SYCP1: variants seen among roughly 807,000 people sequenced by gnomAD.
SYCP1 encodes the protein cancer/testis antigen 8.
SYCP1 carries 64 observed loss-of-function variants against 153.1 expected under a neutral mutation model. The observed-to-expected ratio is 0.42, with a 90% CI of 0.34 to 0.51. The LOEUF is 0.51. Ranked by LOEUF, SYCP1 falls within the 20% of genes least tolerant of loss-of-function variation. The pLI is 0.06. For missense variants in SYCP1, 997 were observed against 1,049.0 expected, an observed-to-expected ratio of 0.95 and a Z score of 0.68; for synonymous variants, 384 against 341.8, an observed-to-expected ratio of 1.12 and a Z score of -1.36.
Position 114,995,036 on chromosome 1 carries a change from T to C in SYCP1, c.*17T>C, listed in dbSNP as rs761351005. On this transcript the variant is annotated 3_prime_UTR_variant, in exon 32 of 32. Coordinates refer to ENST00000369522, the MANE Select transcript of SYCP1 (RefSeq NM_003176.4). ...TTTGTTTAATTTCAGAGAATCAGTG[T>C]AGTTAAGGAGCCTAATAACGTGAAA... 2.5e-6 allele frequency: 4 copies of C among 1,582,586 alleles called. No individual in the cohort carries two copies. The highest frequency in any genetic ancestry group is 3.4e-6 in the Non-Finnish European group (4 of 1,168,348).
At chr1:114,914,111 T>G in intron 20 of SYCP1, 66 bp downstream of exon 20, 1 of 1,257,944 alleles carries the variant, frequency 7.9e-7, no homozygotes. Flanking sequence ...TCTATTAACT[T>G]GTTATCATTA....
At chr1:114,888,266 G>A (rs1182172784) in intron 15 of SYCP1, among the ~76,000 whole-genome samples, 1 of 151,678 alleles carries the variant, frequency 6.6e-6, no homozygotes, top group Admixed American at 6.6e-5. Context: ...GTGGAAAATT[G>A]CAAAGAATAA....
At chr1:114,856,679 G>A in intron 3 of SYCP1, 22 bp downstream of exon 3, 1 of 1,558,912 alleles carries the variant, frequency 6.4e-7, no homozygotes, top group Non-Finnish European at 8.8e-7. Context: ...GAAAAGCAGT[G>A]TATCAGCTTA....
chr1:114,888,564 T>C (rs911727110), intron 15 of SYCP1, among the ~76,000 whole-genome samples: 10 of 152,068 alleles, frequency 6.6e-5, no homozygotes, highest in Non-Finnish European at 1.5e-4. Context: ...TCATGTAAAA[T>C]TGTACTATCA....
chr1:114,943,924 A>G (rs1487754312), intron 23 of SYCP1, among the ~76,000 whole-genome samples: 3 of 151,566 alleles, frequency 2.0e-5, no homozygotes, highest in Non-Finnish European at 4.4e-5. Flanking sequence ...TATACAAAGT[A>G]TGTGAAAATA....
chr1:114,971,695 A>G (rs2101915770), intron 27 of SYCP1, among the ~76,000 whole-genome samples: 1 of 152,276 alleles, frequency 6.6e-6, no homozygotes, highest in African/African-American at 2.4e-5. Flanking sequence ...TGAAATGATC[A>G]TATGGTTTGA....
chr1:114,990,952 A>G (rs934840722), intron 30 of SYCP1, among the ~76,000 whole-genome samples: 2 of 151,924 alleles, frequency 1.3e-5, no homozygotes, highest in African/African-American at 4.8e-5. Context: ...GAAAGGCATG[A>G]AAGTGCCATG....
intron 29 of SYCP1, among the ~76,000 whole-genome samples, chr1:114,982,918 A>G (rs1318192114): frequency 6.6e-6 from 1 of 151,980 alleles, no homozygotes; most frequent in East Asian, 1.9e-4. Flanking sequence ...ACTTTTCTAG[A>G]CTAATTCTGT....
chr1:114,913,154 A>C lies in SYCP1; in HGVS notation c.1647+4A>C, dbSNP rs1458876652. The C allele has an allele frequency of 6.2e-7, 1 of 1,605,250 alleles. No individual in the cohort carries two copies. The highest frequency in any genetic ancestry group is 1.3e-5 in the African/African-American group (1 of 74,726). ...GAATCAGCAAGAAGATATTAATGTGAGTTGAAAAAGAAAGTGCTGGTGACT... is the reference window on the plus strand; with the variant it reads ...GAATCAGCAAGAAGATATTAATGTGCGTTGAAAAAGAAAGTGCTGGTGACT... On this transcript the variant is annotated splice_donor_region_variant and intron_variant, in intron 19 of 31. Coordinates refer to ENST00000369522, the MANE Select transcript of SYCP1 (RefSeq NM_003176.4).
At chr1:114,906,203 G>T (rs944848306) in intron 16 of SYCP1, among the ~76,000 whole-genome samples, 2 of 152,066 alleles carry the variant, frequency 1.3e-5, no homozygotes, top group African/African-American at 4.8e-5. Flanking sequence ...CTGACCTCAA[G>T]TGATGCACCC....
intron 30 of SYCP1, among the ~76,000 whole-genome samples, chr1:114,989,676 T>C (rs1673785562): frequency 6.6e-6 from 1 of 151,990 alleles, no homozygotes; most frequent in Non-Finnish European, 1.5e-5. Flanking sequence ...AAAGATATTC[T>C]GTGCATATAG....
chr1:114,904,129 T>C, intron 16 of SYCP1, among the ~76,000 whole-genome samples: 1 of 151,614 alleles, frequency 6.6e-6, no homozygotes, highest in African/African-American at 2.4e-5. Context: ...TCTTTTTTTT[T>C]TTTTTGAGAC....
intron 15 of SYCP1, among the ~76,000 whole-genome samples, chr1:114,893,948 T>C (rs1018044085): frequency 3.3e-5 from 5 of 151,926 alleles, no homozygotes; most frequent in African/African-American, 1.2e-4. Flanking sequence ...ATAGCCTTCA[T>C]TGAATTAGTG....
intron 30 of SYCP1, among the ~76,000 whole-genome samples, chr1:114,988,054 T>C (rs1673643368): frequency 7.1e-6 from 1 of 140,906 alleles, no homozygotes; most frequent in African/African-American, 2.6e-5. Context: ...AGATAGACAA[T>C]TGAAGTTACT....
At position 114,876,830 on chromosome 1, in the gene SYCP1, C is replaced by T. The variant is rs1301629848; in HGVS notation, c.801+20C>T. On this transcript the variant is annotated intron_variant, in intron 11 of 31. Transcript: ENST00000369522. ...AAGCAGGTTTTTTAAAAAACCAACT[C>T]TTTGTATTCTTTATATTTGCTAATT... The T allele has an allele frequency of 3.9e-6, 5 of 1,291,034 alleles. No homozygotes were observed. The South Asian group carries it at 8.3e-5, about 22-fold the overall frequency. 80.0% of individuals were successfully genotyped at this position (1,291,034 alleles called of 1,614,324 possible). A position where few individuals can be genotyped will look rare whatever the true frequency, so the allele number is the denominator to read the frequency against.
intron 27 of SYCP1, among the ~76,000 whole-genome samples, chr1:114,962,328 AT>A (rs1448007104): frequency 6.6e-6 from 1 of 152,042 alleles, no homozygotes; most frequent in East Asian, 1.9e-4. Flanking sequence ...TGTTTTATAC[AT>A]TTGGGAGAAC....
intron 11 of SYCP1, 132 bp from the exon 12 acceptor site, chr1:114,877,962 C>A: frequency 1.8e-6 from 1 of 541,876 alleles, no homozygotes. Flanking sequence ...GGAGTAGAGA[C>A]CAGGGTGGGA....
Position 114,923,458 on chromosome 1 carries a change from A to T in SYCP1, c.1728A>T (p.Leu576=). The change falls in exon 21 of 32, where the codon CTA becomes CTT. Residue 576 remains leucine (L), a synonymous_variant. Transcript: ENST00000369522. ...TTCCATTTTCTTTTAGAAATGAACT[A>T]GAATATGTGAGAGAAGAGCTAAAAC... ...QETETQLRNE[L]EYVREELKQK... is the part of the protein sequence containing the mutation. 4 of 1,583,372 alleles carry T rather than the reference A, an allele frequency of 2.5e-6. No individual in the cohort carries two copies. Among genetic ancestry groups the T allele is most frequent in the Non-Finnish European group, 3.4e-6 (4 of 1,161,512 alleles).
At chr1:114,885,455 C>CTATAGTAT (rs758721962) in intron 12 of SYCP1, 80 bp from the exon 13 acceptor site, 1 of 798,154 alleles carries the variant, frequency 1.3e-6, no homozygotes, top group Non-Finnish European at 2.0e-6. Context: ...AGGAAAAAGA[C>CTATAGTAT]TAATTGTCAC....
Sources: allele counts gnomAD v4.1 joint callset (sites outside exome capture counted in the v4.1 genomes callset), GRCh38; gene constraint gnomAD v4.1.1; transcripts MANE v1.5; gene names NCBI Gene and HGNC (gene_info 2026-07-23, HGNC 2026-07-21).